Variants in PLXDC2 observed in about 807,000 individuals in gnomAD.
PLXDC2 encodes plexin domain containing 2, also known as plexin domain-containing protein 2.
A neutral mutation model predicts 68.9 loss-of-function variants in PLXDC2; 40 were observed. The observed-to-expected ratio is 0.58, with a 90% CI of 0.45 to 0.76. The LOEUF is 0.76. Ranked by LOEUF, PLXDC2 falls within the 30% of genes least tolerant of loss-of-function variation. PLXDC2 has a pLI of 0.00. For synonymous variants in PLXDC2, 243 were observed against 234.2 expected, an observed-to-expected ratio of 1.04 and a Z score of -0.34; for missense variants, 644 against 661.9, an observed-to-expected ratio of 0.97 and a Z score of 0.30.
intron 9 of PLXDC2, among the ~76,000 whole-genome samples, chr10:20,187,774 C>G (rs1834706179): frequency 6.6e-6 from 1 of 151,810 alleles, no homozygotes; most frequent in Non-Finnish European, 1.5e-5. Context: ...AGTGAAAAAT[C>G]AGAATCGATC....
At chr10:20,077,890 T>C (rs1836479057) in intron 4 of PLXDC2, among the ~76,000 whole-genome samples, 1 of 152,216 alleles carries the variant, frequency 6.6e-6, no homozygotes, top group African/African-American at 2.4e-5. Context: ...CATTAAGCTC[T>C]GAAAAAACAT....
chr10:20,135,942 T>C (rs1163293076), intron 4 of PLXDC2, among the ~76,000 whole-genome samples: 1 of 152,200 alleles, frequency 6.6e-6, no homozygotes, highest in Admixed American at 6.5e-5. Context: ...ATTGACAATA[T>C]TATAGTTTGC....
At chr10:20,234,251 CAG>C (rs1327545391) in intron 12 of PLXDC2, among the ~76,000 whole-genome samples, 1 of 152,200 alleles carries the variant, frequency 6.6e-6, no homozygotes, top group African/African-American at 2.4e-5. Flanking sequence ...GCCCACACAG[CAG>C]AGTCTGTTTG....
intron 1 of PLXDC2, among the ~76,000 whole-genome samples, chr10:19,842,419 G>A (rs918193914): frequency 1.3e-5 from 2 of 152,064 alleles, no homozygotes; most frequent in African/African-American, 4.8e-5. Context: ...ACTTTTTAGG[G>A]TTCAGCTAAA....
intron 12 of PLXDC2, among the ~76,000 whole-genome samples, chr10:20,240,185 G>T (rs1159752019): frequency 1.3e-5 from 2 of 152,104 alleles, no homozygotes; most frequent in African/African-American, 4.8e-5. Context: ...AGGGTATTTG[G>T]CTTTCTGGTC....
At chr10:20,189,556 C>CACACACACAT (rs369119157) in intron 9 of PLXDC2, among the ~76,000 whole-genome samples, 2 of 124,758 alleles carry the variant, frequency 1.6e-5, no homozygotes, top group Non-Finnish European at 3.6e-5. Context: ...CACACACACA[C>CACACACACAT]ATATATATAT....
rs531868201 is a variant in PLXDC2 at position 20,233,560 on chromosome 10, A to G, written c.1313-11785A>G. 5.9e-5 allele frequency among the ~76,000 whole-genome samples: 9 copies of G among 152,248 alleles called. No individual in the cohort carries two copies. In the South Asian group the frequency reaches 1.2e-3, roughly 21 times the overall value. ...TATTTGTAATCCCATTTTACACTTG[A>G]AGTCTCAGAAGCTCAGGGATTTAAG... On this transcript the variant is annotated intron_variant, in intron 12 of 13. Coordinates refer to ENST00000377252, the MANE Select transcript of PLXDC2 (RefSeq NM_032812.9).
intron 3 of PLXDC2, among the ~76,000 whole-genome samples, chr10:20,064,578 A>G (rs75697700): frequency 2.0e-5 from 3 of 152,032 alleles, no homozygotes; most frequent in Non-Finnish European, 4.4e-5. Flanking sequence ...TTTATATACT[A>G]TTTGGGGTCA....
intron 13 of PLXDC2, among the ~76,000 whole-genome samples, chr10:20,272,350 C>T (rs1337809944): frequency 1.3e-5 from 2 of 151,972 alleles, no homozygotes; most frequent in Non-Finnish European, 1.5e-5. Flanking sequence ...CTGTCTTAGA[C>T]CAGGAGGACA....
rs867190437 is a variant in PLXDC2, at chr10:20,044,227, T to C, written c.325-2642T>C. Among the ~76,000 whole-genome samples the C allele has an allele frequency of 2.3e-3, 117 of 50,176 alleles. 5 individuals are homozygous for C. The highest frequency in any genetic ancestry group is 0.011 in the African/African-American group (105 of 9,234). 32.9% of individuals were successfully genotyped at this position (50,176 alleles called of 152,430 possible). ...TCTCTCTCTGTCTTTCTTTCTTTCT[T>C]TCTTTCTTTCTTTCTTTCTTTCTTT... is the stretch of plus-strand genomic sequence containing the variant. On this transcript the variant is annotated intron_variant, in intron 2 of 13. Coordinates refer to ENST00000377252, the MANE Select transcript of PLXDC2 (RefSeq NM_032812.9).
At chr10:20,174,309 T>TAA (rs144690233) in intron 7 of PLXDC2, among the ~76,000 whole-genome samples, 1 of 138,790 alleles carries the variant, frequency 7.2e-6, no homozygotes, top group African/African-American at 2.5e-5. Context: ...TCTTAAAAAC[T>TAA]AAAAAAAAAA....
At chr10:19,955,768 G>A (rs978692350) in intron 1 of PLXDC2, among the ~76,000 whole-genome samples, 1 of 152,072 alleles carries the variant, frequency 6.6e-6, no homozygotes, top group Non-Finnish European at 1.5e-5. Context: ...ACCTGTCATG[G>A]CACTTCATTT....
At chr10:20,200,887 T>A (rs1330618678) in intron 9 of PLXDC2, among the ~76,000 whole-genome samples, 1 of 152,032 alleles carries the variant, frequency 6.6e-6, no homozygotes, top group East Asian at 1.9e-4. Context: ...CAAATGCTGC[T>A]GACAAGGACA....
At chr10:20,263,263 C>G (rs891294869) in intron 13 of PLXDC2, among the ~76,000 whole-genome samples, 5 of 152,158 alleles carry the variant, frequency 3.3e-5, no homozygotes, top group Non-Finnish European at 7.3e-5. Context: ...GGGGAAAAGA[C>G]TCCCTATTCA....
intron 1 of PLXDC2, among the ~76,000 whole-genome samples, chr10:19,985,809 C>A (rs1168587561): frequency 6.6e-6 from 1 of 152,216 alleles, no homozygotes; most frequent in East Asian, 1.9e-4. Flanking sequence ...CAAGCCTTTT[C>A]TTGCTAAAAC....
At chr10:20,169,097 T>G (rs967648128) in intron 7 of PLXDC2, among the ~76,000 whole-genome samples, 1 of 152,156 alleles carries the variant, frequency 6.6e-6, no homozygotes, top group African/African-American at 2.4e-5. Flanking sequence ...ACTAAAGAGG[T>G]TGGTTACATA....
intron 1 of PLXDC2, among the ~76,000 whole-genome samples, chr10:19,967,147 A>G: frequency 6.6e-6 from 1 of 152,240 alleles, no homozygotes; most frequent in East Asian, 1.9e-4. Context: ...AAAATGTGTA[A>G]CATACATGCT....
At chr10:20,114,768 A>G (rs558853865) in intron 4 of PLXDC2, among the ~76,000 whole-genome samples, 2 of 152,282 alleles carry the variant, frequency 1.3e-5, no homozygotes, top group South Asian at 4.1e-4. Flanking sequence ...GAGAACTGTG[A>G]GTATCTGGAG....
chr10:20,284,178 C>A lies in PLXDC2; in HGVS notation c.*4359C>A, dbSNP rs911091162. The A allele has an allele frequency of 3.9e-4, 59 of 151,752 alleles. No homozygotes were observed. Among genetic ancestry groups the A allele is most frequent in the African/African-American group, 1.4e-3 (59 of 41,308 alleles). 9.4% of individuals were successfully genotyped at this position (151,752 alleles called of 1,614,324 possible). On this transcript the variant is annotated 3_prime_UTR_variant, in exon 14 of 14. Coordinates refer to ENST00000377252, the MANE Select transcript of PLXDC2 (RefSeq NM_032812.9). ...TGAAATGTTCTTTTGGTTTGTATTT[C>A]TTTAGGTATTTTCCAAGTTACTGCT...
Sources: gnomAD v4.1 joint callset for allele counts (sites outside exome capture counted in the v4.1 genomes callset) on GRCh38, gnomAD v4.1.1 for gene constraint, MANE v1.5 for transcripts, NCBI Gene and HGNC (gene_info 2026-07-23, HGNC 2026-07-21) for gene names.